Variants in KCNA3 observed in about 807,000 individuals in gnomAD.
The protein encoded by KCNA3 is RP11-284N8.3.
Under a neutral mutation model 34.3 loss-of-function variants are expected in KCNA3, and 18 were observed. That is an observed-to-expected ratio of 0.52 (90% confidence interval 0.36 to 0.78). The LOEUF (loss-of-function observed/expected upper bound fraction) is 0.78. KCNA3 is among the 30% of genes least tolerant of loss of function. The pLI is 0.00. For synonymous variants in KCNA3, 324 were observed against 351.7 expected, an observed-to-expected ratio of 0.92 and a Z score of 0.88; for missense variants, 587 against 802.5, an observed-to-expected ratio of 0.73 and a Z score of 3.24.
chr1:110,661,500 A>G, the KCNA3 span, among the ~76,000 whole-genome samples: 1 of 152,178 alleles, frequency 6.6e-6, no homozygotes, highest in East Asian at 1.9e-4. Context: ...ATGACTACTA[A>G]TCATAAGAAA....
chr1:110,671,559 C>G (rs566770597), downstream of KCNA3, among the ~76,000 whole-genome samples: 1 of 152,302 alleles, frequency 6.6e-6, no homozygotes, highest in East Asian at 1.9e-4. Flanking sequence ...CTTCCTGTCC[C>G]TCCTTTTAAT....
At position 110,674,543 on chromosome 1, in the gene KCNA3, C is replaced by T; in HGVS notation, c.267G>A (p.Leu89=). 6 of 1,601,412 alleles carry T rather than the reference C, an allele frequency of 3.7e-6. No individual in the cohort carries two copies. The highest frequency in any genetic ancestry group is 5.1e-6 in the Non-Finnish European group (6 of 1,175,034). Residue 89 remains leucine, a synonymous_variant, in exon 1 of 1, where the codon CTG becomes CTA. Transcript: ENST00000369769. The surrounding 1 kb of genome is among the most constrained non-coding windows in gnomAD (Gnocchi z 6.4). ...GGGGCDRYEP[L]PPSLPAAGEQ... ...CGCCCGCGGCCGGCAGTGAGGGCGG[C>T]AGCGGCTCGTAGCGGTCGCAGCCGC...
chr1:110,673,281 G>A lies in KCNA3; in HGVS notation c.1529C>T (p.Ser510Phe). Residue 510 changes from serine (S) to phenylalanine (F), a missense_variant, in exon 1 of 1, where the codon TCT (serine) becomes TTT (phenylalanine). Physicochemically the swap from Ser to Phe is radical, Grantham distance 155. Transcript: ENST00000369769. This position sits in a 1 kb window ranked among gnomAD's most constrained non-coding sequence, Gnocchi z 8.8. ...MHVGSCQHLSSSAEELRKARS... is the reference protein window; with the variant it reads ...MHVGSCQHLSFSAEELRKARS... ...TGCTTTTCGGAGCTCCTCGGCTGAA[G>A]AGGAGAGGTGCTGGCAACTTCCCAC... is the stretch of plus-strand genomic sequence containing the variant. 6.2e-7 allele frequency: 1 copy of A among 1,614,040 alleles called. No homozygotes were observed. The highest frequency in any genetic ancestry group is 1.1e-5 in the South Asian group (1 of 91,058).
chr1:110,674,649 G>T lies in KCNA3; in HGVS notation c.161C>A (p.Thr54Asn). 6.5e-7 allele frequency: 1 copy of T among 1,532,756 alleles called. No individual in the cohort carries two copies. Among genetic ancestry groups the T allele is most frequent in the South Asian group, 1.2e-5 (1 of 81,862 alleles). The allele number at this position is 1,532,756 out of a possible 1,614,324, so 94.9% of individuals were successfully genotyped here. The change falls in exon 1 of 1, where the codon ACC (threonine) becomes AAC (asparagine). Residue 54 changes from threonine to asparagine, a missense_variant. Physicochemically the swap from Thr to Asn is moderately conservative, Grantham distance 65 (BLOSUM62 0). Around this residue, in one of 7 missense-constraint regions of KCNA3, gnomAD observed 341 missense variants for 355.4 expected, o/e 0.96. Transcript: ENST00000369769. This position sits in a 1 kb window ranked among gnomAD's most constrained non-coding sequence, Gnocchi z 6.4. ...CAGCAGGTGGTCCCCGGGCACCACG[G>T]TCATGTCGGGCGGCAGCTCGCGGCC... is the stretch of plus-strand genomic sequence containing the variant. ...AAGRELPPDM[T>N]VVPGDHLLEP...
chr1:110,662,245 AC>A, the KCNA3 span, among the ~76,000 whole-genome samples: 2 of 152,216 alleles, frequency 1.3e-5, no homozygotes, highest in East Asian at 1.9e-4. Context: ...GAAAACAGTG[AC>A]CTATAATTGA....
At chr1:110,664,926 C>T in the KCNA3 span, among the ~76,000 whole-genome samples, 2 of 152,088 alleles carry the variant, frequency 1.3e-5, no homozygotes, top group African/African-American at 2.4e-5. Flanking sequence ...ACATCCCAGG[C>T]AGGGAGAACA....
Position 110,674,295 on chromosome 1 carries a change from G to A in KCNA3, c.515C>T (p.Pro172Leu). The change falls in exon 1 of 1, where the codon CCG (proline) becomes CTG (leucine). Residue 172 changes from proline to leucine, a missense_variant. Pro to Leu is a moderately conservative substitution (Grantham distance 98). Transcript: ENST00000369769. The surrounding 1 kb of genome is among the most constrained non-coding windows in gnomAD (Gnocchi z 6.4). The part of the protein sequence containing the change: ...YYQSGGRIRR[P>L]VNVPIDIFSE... ...GAAAATGTCGATGGGCACGTTGACC[G>A]GCCGGCGGATGCGGCCCCCGGACTG... The A allele has an allele frequency of 1.2e-6, 2 of 1,614,180 alleles. No individual in the cohort carries two copies. Among genetic ancestry groups the A allele is most frequent in the South Asian group, 1.1e-5 (1 of 91,090 alleles).
rs777410901 is a variant in KCNA3 at position 110,673,040 on chromosome 1, T to C, written c.*42A>G. The C allele has an allele frequency of 6.4e-7, 1 of 1,557,600 alleles. No individual in the cohort carries two copies. The highest frequency in any genetic ancestry group is 8.7e-7 in the Non-Finnish European group (1 of 1,147,070). On this transcript the variant is annotated 3_prime_UTR_variant, in exon 1 of 1. Transcript: ENST00000369769. The surrounding 1 kb of genome is among the most constrained non-coding windows in gnomAD (Gnocchi z 8.8). ...GGCATAGGCAGACCAAGGGGGCACG[T>C]TCCACACAATACTGAGCACAGCATG...
the KCNA3 span, among the ~76,000 whole-genome samples, chr1:110,658,293 A>C: frequency 2.6e-5 from 4 of 152,192 alleles, no homozygotes; most frequent in Non-Finnish European, 5.9e-5. Flanking sequence ...TTGCTACTGA[A>C]ATATTTTTAT....
the KCNA3 span, among the ~76,000 whole-genome samples, chr1:110,666,877 G>T: frequency 6.6e-6 from 1 of 152,018 alleles, no homozygotes; most frequent in African/African-American, 2.4e-5. Context: ...AGAACACTAG[G>T]CAATAAACCT....
Position 110,673,703 on chromosome 1 carries a change from T to A in KCNA3, c.1107A>T (p.Val369=), listed in dbSNP as rs374352139. 6.2e-7 allele frequency: 1 copy of A among 1,614,160 alleles called. No homozygotes were observed. The part of the protein sequence containing the change: ...SLAILRVIRL[V]RVFRIFKLSR... ...ACAGCTTGAAGATGCGGAAGACCCT[T>A]ACCAGGCGGATGACCCTCAGGATGG... Residue 369 remains valine, a synonymous_variant, in exon 1 of 1, where the codon GTA becomes GTT. Transcript: ENST00000369769. This position sits in a 1 kb window ranked among gnomAD's most constrained non-coding sequence, Gnocchi z 8.8.
chr1:110,666,720 T>A, the KCNA3 span, among the ~76,000 whole-genome samples: 8 of 152,156 alleles, frequency 5.3e-5, no homozygotes, highest in Non-Finnish European at 8.8e-5. Flanking sequence ...AGGATAGAGA[T>A]GACAGTGTGG....
At chr1:110,665,466 G>A in the KCNA3 span, among the ~76,000 whole-genome samples, 1 of 152,308 alleles carries the variant, frequency 6.6e-6, no homozygotes, top group African/African-American at 2.4e-5. Context: ...AGTAGTGGAG[G>A]TGGGGAAGAG....
chr1:110,660,507 A>G, the KCNA3 span, among the ~76,000 whole-genome samples: 1 of 152,144 alleles, frequency 6.6e-6, no homozygotes, highest in African/African-American at 2.4e-5. Flanking sequence ...TCATGGAGAG[A>G]AAAAGAGAGA....
the KCNA3 span, among the ~76,000 whole-genome samples, chr1:110,663,881 A>G: frequency 2.0e-5 from 3 of 152,218 alleles, no homozygotes; most frequent in African/African-American, 4.8e-5. Context: ...GCTTTCATGT[A>G]TGAACAATCA....
chr1:110,672,052 T>C (rs375240616), downstream of KCNA3, among the ~76,000 whole-genome samples: 39 of 152,348 alleles, frequency 2.6e-4, no homozygotes, highest in African/African-American at 8.2e-4. Context: ...ATTCAAACAG[T>C]GGTTTTCCTT....
At chr1:110,655,542 A>G in the KCNA3 span, 4 of 152,182 alleles carry the variant, frequency 2.6e-5, no homozygotes, top group African/African-American at 9.6e-5. Context: ...ATCACTTCTC[A>G]CAAAGATCAC....
chr1:110,655,116 T>C, the KCNA3 span: 1 of 152,094 alleles, frequency 6.6e-6, no homozygotes, highest in East Asian at 1.9e-4. Flanking sequence ...AAATACTACA[T>C]ACACTGTTTG....
Position 110,672,955 on chromosome 1 carries a change from G to A in KCNA3, c.*127C>T. On this transcript the variant is annotated 3_prime_UTR_variant, in exon 1 of 1. Transcript: ENST00000369769. ...GCAGCAGGGAGAGGGAGAATGAAGT[G>A]TGCTTTCCACTTCTTCAGGTCCTTT... 1 of 949,960 alleles carries A rather than the reference G, an allele frequency of 1.1e-6. No individual in the cohort carries two copies. The highest frequency in any genetic ancestry group is 1.6e-6 in the Non-Finnish European group (1 of 631,106). The allele number at this position is 949,960 out of a possible 1,614,324, so 58.8% of individuals were successfully genotyped here. A position where few individuals can be genotyped will look rare whatever the true frequency, so the allele number is the denominator to read the frequency against.
Sources: allele counts gnomAD v4.1 joint callset (sites outside exome capture counted in the v4.1 genomes callset), GRCh38; gene constraint gnomAD v4.1.1; regional missense constraint gnomAD v4.1.1; non-coding constraint Gnocchi (gnomAD v3.1); transcripts MANE v1.5; gene names NCBI Gene and HGNC (gene_info 2026-07-23, HGNC 2026-07-21).